ARHGAP22: variants seen among roughly 807,000 people sequenced by gnomAD.
ARHGAP22 encodes rho GTPase-activating protein 22.
A neutral mutation model predicts 59.1 loss-of-function variants in ARHGAP22; 48 were observed. The observed-to-expected ratio is 0.81, with a 90% CI of 0.64 to 1.03. ARHGAP22 has a LOEUF of 1.03. ARHGAP22 is among the 50% of genes least tolerant of loss of function. The pLI is 0.00. For synonymous variants in ARHGAP22, 445 were observed against 416.4 expected, an observed-to-expected ratio of 1.07 and a Z score of -0.84; for missense variants, 1,015 against 958.7, an observed-to-expected ratio of 1.06 and a Z score of -0.78.
chr10:48,650,146 C>CTTTTTTTT (rs11386532), intron 1 of ARHGAP22, among the ~76,000 whole-genome samples: 1 of 82,058 alleles, frequency 1.2e-5, no homozygotes, highest in African/African-American at 4.5e-5. Flanking sequence ...GCTGGAGACT[C>CTTTTTTTT]TTTTTTTTTT....
intron 4 of ARHGAP22, among the ~76,000 whole-genome samples, chr10:48,470,255 T>G (rs1204092396): frequency 1.3e-5 from 2 of 152,226 alleles, no homozygotes; most frequent in Non-Finnish European, 2.9e-5. Flanking sequence ...AAAAGAGTGT[T>G]GAACGTTAGC....
chr10:48,472,267 T>G lies in ARHGAP22; in HGVS notation c.451+7369A>C, dbSNP rs192273845. Among the ~76,000 whole-genome samples, 584 of 151,808 alleles carry G rather than the reference T, an allele frequency of 3.8e-3. 4 individuals are homozygous for G. The highest frequency in any genetic ancestry group is 0.013 in the African/African-American group (550 of 41,376). On this transcript the variant is annotated intron_variant, in intron 4 of 9. Transcript: ENST00000249601. Reference sequence around the variant, plus strand: ...GGCTGGGTGTGGTGGCTCATGCCTGTAATCCCAGCACTTTGGGAGGCCGAG... The same window carrying G: ...GGCTGGGTGTGGTGGCTCATGCCTGGAATCCCAGCACTTTGGGAGGCCGAG...
At chr10:48,652,449 T>G (rs2062605613) in exon 1 of ARHGAP22, 2 of 650,574 alleles carry the variant, frequency 3.1e-6, no homozygotes, top group Non-Finnish European at 5.3e-6. Context: ...TTTCTTGGAT[T>G]TTAAGCAAGA....
In ARHGAP22 at chr10:48,519,161, G is replaced by A. The variant is rs146029854; in HGVS notation, c.322+36302C>T. On this transcript the variant is annotated intron_variant, in intron 3 of 9. Coordinates refer to ENST00000249601, the MANE Select transcript of ARHGAP22 (RefSeq NM_021226.4). The stretch of plus-strand genomic sequence containing the variant: ...GCTGGCCTGAGGACTGTGGCTCCCC[G>A]AATGCTGCAGCAGAACAGCAGAACC... 6.6e-3 allele frequency among the ~76,000 whole-genome samples: 1,005 copies of A among 152,274 alleles called. 12 individuals carry two copies. The highest frequency in any genetic ancestry group is 0.023 in the African/African-American group (954 of 41,554).
chr10:48,520,834 A>T (rs778485481), intron 3 of ARHGAP22, among the ~76,000 whole-genome samples: 2 of 152,102 alleles, frequency 1.3e-5, no homozygotes, highest in Non-Finnish European at 2.9e-5. Context: ...GCGGTGGCAG[A>T]GAATGAGCAC....
chr10:48,625,197 A>T (rs2136057597), intron 1 of ARHGAP22: 1 of 152,220 alleles, frequency 6.6e-6, no homozygotes, highest in Admixed American at 6.5e-5. Flanking sequence ...TCATAGAGGA[A>T]GTCCCAGATC....
intron 3 of ARHGAP22, among the ~76,000 whole-genome samples, chr10:48,552,879 AG>A (rs2057009354): frequency 1.3e-5 from 2 of 152,238 alleles, no homozygotes; most frequent in Non-Finnish European, 2.9e-5. Flanking sequence ...CTGCTGTAAC[AG>A]GAAGCCCACC....
Position 48,446,136 on chromosome 10 carries a change from G to A in ARHGAP22, c.*255C>T. On this transcript the variant is annotated 3_prime_UTR_variant, in exon 10 of 10. Transcript: ENST00000249601. ...TGTGGCCATGAAGGATATTTCCTGG[G>A]TAAGGGCTAAGCGCTACTCTTGGTA... The A allele has an allele frequency of 2.0e-6, 1 of 498,192 alleles. No individual in the cohort carries two copies. The highest frequency in any genetic ancestry group is 3.5e-6 in the Non-Finnish European group (1 of 284,514). The allele number at this position is 498,192 out of a possible 1,614,324, so 30.9% of individuals were successfully genotyped here.
chr10:48,587,928 T>C (rs554137111), intron 1 of ARHGAP22, among the ~76,000 whole-genome samples: 113 of 152,322 alleles, frequency 7.4e-4, no homozygotes, highest in African/African-American at 2.5e-3. Flanking sequence ...CGGTGGACAA[T>C]GTCTGTGAGG....
chr10:48,576,586 A>G (rs529383824), intron 2 of ARHGAP22, among the ~76,000 whole-genome samples: 18 of 152,282 alleles, frequency 1.2e-4, no homozygotes, highest in African/African-American at 4.3e-4. Flanking sequence ...CAAAATCTCA[A>G]AAATAAATTA....
chr10:48,506,113 C>G (rs1025486560), intron 3 of ARHGAP22, among the ~76,000 whole-genome samples: 5 of 152,192 alleles, frequency 3.3e-5, no homozygotes, highest in African/African-American at 1.2e-4. Context: ...TGGGTGGGAC[C>G]TCAGGGCCTC....
intron 9 of ARHGAP22, among the ~76,000 whole-genome samples, chr10:48,449,326 C>G (rs537332842): frequency 2.0e-4 from 31 of 152,338 alleles, no homozygotes; most frequent in African/African-American, 6.3e-4. Context: ...GAGGCCTCTG[C>G]CCTCAAGGTC....
chr10:48,595,916 C>T lies in ARHGAP22; in HGVS notation c.34+8847G>A, dbSNP rs145651154. Among the ~76,000 whole-genome samples, 67 of 152,290 alleles carry T rather than the reference C, an allele frequency of 4.4e-4. 1 individual carries two copies. Among genetic ancestry groups the T allele is most frequent in the African/African-American group, 1.5e-3 (64 of 41,550 alleles). ...TGAGCCAGGCCCTCCTAATGAGCCT[C>T]GCCTCGGCATGAAGAACTAGAGCCA... is the stretch of plus-strand genomic sequence containing the variant. On this transcript the variant is annotated intron_variant, in intron 1 of 9. Coordinates refer to ENST00000249601, the MANE Select transcript of ARHGAP22 (RefSeq NM_021226.4).
chr10:48,447,505 C>A (rs1226184911), intron 9 of ARHGAP22, among the ~76,000 whole-genome samples: 1 of 152,186 alleles, frequency 6.6e-6, no homozygotes. Flanking sequence ...TGAATAAACA[C>A]GGATTCCTCA....
chr10:48,481,880 T>C (rs773114101), intron 3 of ARHGAP22, among the ~76,000 whole-genome samples: 3 of 152,240 alleles, frequency 2.0e-5, no homozygotes, highest in Non-Finnish European at 4.4e-5. Flanking sequence ...ACATCTTTTA[T>C]GTATTTAGTT....
chr10:48,514,490 A>G (rs1245990975), intron 3 of ARHGAP22, among the ~76,000 whole-genome samples: 1 of 152,210 alleles, frequency 6.6e-6, no homozygotes, highest in Non-Finnish European at 1.5e-5. Context: ...TTCTATATCC[A>G]GCAAAACCAT....
chr10:48,558,230 C>T (rs1046640200), intron 2 of ARHGAP22, among the ~76,000 whole-genome samples: 2 of 152,150 alleles, frequency 1.3e-5, no homozygotes, highest in Non-Finnish European at 2.9e-5. Flanking sequence ...GAGCTTAAGA[C>T]ATAGTACGTG....
intron 3 of ARHGAP22, among the ~76,000 whole-genome samples, chr10:48,554,890 G>A (rs72658763): frequency 8.3e-4 from 126 of 152,300 alleles, no homozygotes; most frequent in African/African-American, 2.9e-3. Context: ...CCAAGCTAAA[G>A]AAAACACTGG....
intron 1 of ARHGAP22, among the ~76,000 whole-genome samples, chr10:48,633,101 T>C (rs1335695614): frequency 6.6e-6 from 1 of 152,234 alleles, no homozygotes; most frequent in Non-Finnish European, 1.5e-5. Context: ...TTTTTGCCAA[T>C]TATGTTGCCT....
Sources: allele counts gnomAD v4.1 joint callset (sites outside exome capture counted in the v4.1 genomes callset), GRCh38; gene constraint gnomAD v4.1.1; transcripts MANE v1.5; gene names NCBI Gene and HGNC (gene_info 2026-07-23, HGNC 2026-07-21).